The following PRMT3 variants were observed in gnomAD, a reference collection of about 807,000 sequenced individuals.
PRMT3 encodes the protein protein arginine N-methyltransferase 3.
In PRMT3, 62 loss-of-function variants were observed where a neutral mutation model predicts 71.9. That is an observed-to-expected ratio of 0.86 (90% CI 0.70 to 1.07). PRMT3 has a LOEUF of 1.07. Ranked by LOEUF, PRMT3 falls within the 50% of genes least tolerant of loss-of-function variation. PRMT3 has a pLI of 0.00. For missense variants in PRMT3, 663 were observed against 643.0 expected, an observed-to-expected ratio of 1.03 and a Z score of -0.34; for synonymous variants, 213 against 220.4, an observed-to-expected ratio of 0.97 and a Z score of 0.30.
intron 13 of PRMT3, among the ~76,000 whole-genome samples, chr11:20,483,495 G>A (rs1019674428): frequency 6.6e-6 from 1 of 151,488 alleles, no homozygotes; most frequent in African/African-American, 2.4e-5. Flanking sequence ...TGAGGGAGCA[G>A]GAGAAGAGAA....
chr11:20,488,208 T>C (rs1370629702), intron 13 of PRMT3, among the ~76,000 whole-genome samples: 1 of 152,210 alleles, frequency 6.6e-6, no homozygotes, highest in Admixed American at 6.5e-5. Context: ...AATCATAATA[T>C]ATAATTTTCA....
intron 11 of PRMT3, among the ~76,000 whole-genome samples, chr11:20,460,134 T>C (rs1453093276): frequency 6.6e-6 from 1 of 152,220 alleles, no homozygotes; most frequent in East Asian, 1.9e-4. Context: ...AATTTAGTGC[T>C]GCTGTCATTG....
At chr11:20,402,864 A>T (rs1848979815) in intron 7 of PRMT3, 55 bp from the exon 8 acceptor site, 1 of 1,411,876 alleles carries the variant, frequency 7.1e-7, no homozygotes, top group South Asian at 1.2e-5. Flanking sequence ...TCCCTTAAAA[A>T]ATTTATTTGT....
At chr11:20,468,247 TTTC>T (rs1294776372) in intron 13 of PRMT3, among the ~76,000 whole-genome samples, 1 of 152,184 alleles carries the variant, frequency 6.6e-6, no homozygotes, top group African/African-American at 2.4e-5. Context: ...ATTAAATGCT[TTTC>T]TTCTTGTGTT....
At chr11:20,468,838 G>A (rs1850575450) in intron 13 of PRMT3, among the ~76,000 whole-genome samples, 1 of 152,030 alleles carries the variant, frequency 6.6e-6, no homozygotes, top group South Asian at 2.1e-4. Context: ...AAGATTATTA[G>A]AACCTTTCAT....
At chr11:20,494,008 C>G in intron 14 of PRMT3, 39 bp downstream of exon 14, 1 of 1,498,346 alleles carries the variant, frequency 6.7e-7, no homozygotes, top group African/African-American at 1.4e-5. Context: ...TTAATTATTA[C>G]AGAAGTACAT....
At chr11:20,394,117 T>G (rs1296252784) in intron 5 of PRMT3, among the ~76,000 whole-genome samples, 2 of 152,212 alleles carry the variant, frequency 1.3e-5, no homozygotes, top group Non-Finnish European at 2.9e-5. Context: ...AGGACGTGTC[T>G]TCACAACTAA....
intron 11 of PRMT3, among the ~76,000 whole-genome samples, chr11:20,458,117 G>T (rs1447779777): frequency 6.6e-6 from 1 of 151,884 alleles, no homozygotes; most frequent in East Asian, 1.9e-4. Context: ...TTTCTTTTAT[G>T]CATATCAAGC....
intron 13 of PRMT3, among the ~76,000 whole-genome samples, chr11:20,484,758 A>T (rs114112426): frequency 2.0e-5 from 3 of 152,218 alleles, no homozygotes; most frequent in African/African-American, 7.2e-5. Flanking sequence ...AAAAAGCAAT[A>T]CAGTAAATAA....
intron 15 of PRMT3, among the ~76,000 whole-genome samples, chr11:20,505,274 T>C (rs1222665516): frequency 1.3e-5 from 2 of 152,200 alleles, no homozygotes; most frequent in African/African-American, 2.4e-5. Context: ...CTCCACACTT[T>C]AATGTCCTGA....
chr11:20,419,910 G>A (rs75320249), intron 9 of PRMT3, among the ~76,000 whole-genome samples: 1 of 152,144 alleles, frequency 6.6e-6, no homozygotes, highest in Non-Finnish European at 1.5e-5. Context: ...AGTGGCTCAC[G>A]CCTGTAATTC....
chr11:20,451,008 A>T (rs898379231), intron 10 of PRMT3, among the ~76,000 whole-genome samples: 2 of 152,192 alleles, frequency 1.3e-5, no homozygotes, highest in South Asian at 4.1e-4. Flanking sequence ...TCCCTGCTGC[A>T]TAGGGCTGTT....
chr11:20,477,033 T>C (rs1007618819), intron 13 of PRMT3, among the ~76,000 whole-genome samples: 1 of 152,208 alleles, frequency 6.6e-6, no homozygotes, highest in African/African-American at 2.4e-5. Context: ...TCCCGTGTCT[T>C]AAGCACAAGA....
At chr11:20,464,372 TTGTC>T (rs1479022516) in intron 12 of PRMT3, 84 bp from the exon 13 acceptor site, 12 of 1,452,908 alleles carry the variant, frequency 8.3e-6, no homozygotes, top group African/African-American at 7.2e-5. Context: ...GAAGTAATGT[TTGTC>T]TGGGTTGTTT....
chr11:20,455,504 A>G (rs541142548), intron 11 of PRMT3, among the ~76,000 whole-genome samples: 1 of 152,260 alleles, frequency 6.6e-6, no homozygotes, highest in East Asian at 1.9e-4. Context: ...ACATGCAAAT[A>G]TATACCAAAA....
intron 15 of PRMT3, among the ~76,000 whole-genome samples, chr11:20,501,856 A>T (rs777959451): frequency 6.6e-6 from 1 of 152,202 alleles, no homozygotes; most frequent in Non-Finnish European, 1.5e-5. Flanking sequence ...CTTTGAAAAT[A>T]TAAAATCAGG....
At chr11:20,451,513 A>G (rs1259294164) in intron 10 of PRMT3, among the ~76,000 whole-genome samples, 3 of 151,956 alleles carry the variant, frequency 2.0e-5, no homozygotes, top group Non-Finnish European at 2.9e-5. Context: ...TTTAATACCA[A>G]AAAGAAAGTC....
At chr11:20,488,890 A>AT (rs1851142525) in intron 13 of PRMT3, among the ~76,000 whole-genome samples, 2 of 152,108 alleles carry the variant, frequency 1.3e-5, no homozygotes, top group South Asian at 4.1e-4. Context: ...CTTAAAACAG[A>AT]TTTTTTCATG....
At chr11:20,404,216 T>TGTTTTTGTTTTTG (rs1565196752) in intron 8 of PRMT3, among the ~76,000 whole-genome samples, 3 of 13,348 alleles carry the variant, frequency 2.2e-4, no homozygotes, top group African/African-American at 5.5e-4. Context: ...TCATAGTTTT[T>TGTTTTTGTTTTTG]TTTTTTTTTT....
Sources: gnomAD v4.1 joint callset for allele counts (sites outside exome capture counted in the v4.1 genomes callset) on GRCh38, gnomAD v4.1.1 for gene constraint, MANE v1.5 for transcripts, NCBI Gene and HGNC (gene_info 2026-07-23, HGNC 2026-07-21) for gene names.